The following PPP2R1A variants were observed in gnomAD, a reference collection of about 807,000 sequenced individuals.
PPP2R1A encodes serine/threonine-protein phosphatase 2A 65 kDa regulatory subunit A alpha isoform.
A neutral mutation model predicts 67.1 loss-of-function variants in PPP2R1A; 15 were observed. The ratio of observed to expected loss-of-function variants is 0.22; its 90% CI spans 0.15 to 0.34. PPP2R1A has a LOEUF of 0.34. PPP2R1A is among the 10% of genes least tolerant of loss of function. The pLI is 1.00. For missense variants in PPP2R1A, 369 were observed against 775.0 expected (o/e 0.48, Z 6.22); for synonymous variants, 337 against 325.0 (o/e 1.04, Z -0.40).
intron 1 of PPP2R1A, among the ~76,000 whole-genome samples, chr19:52,198,801 C>G (rs189560141): frequency 2.3e-3 from 352 of 152,314 alleles, no homozygotes; most frequent in African/African-American, 8.1e-3. Context: ...TCAGTGTCCT[C>G]ACTCGCCTCT....
chr19:52,223,034 AG>A (rs1979037335), intron 13 of PPP2R1A, among the ~76,000 whole-genome samples: 2 of 152,252 alleles, frequency 1.3e-5, no homozygotes, highest in Non-Finnish European at 2.9e-5. Flanking sequence ...CCAGAGACGA[AG>A]ACTTATGACA....
At chr19:52,192,478 T>G (rs1027486393) in intron 1 of PPP2R1A, among the ~76,000 whole-genome samples, 14 of 151,886 alleles carry the variant, frequency 9.2e-5, no homozygotes, top group African/African-American at 7.3e-5. Flanking sequence ...TGGCTGATTT[T>G]TGTGTGTGTG....
chr19:52,190,467 T>G (rs944756000), intron 1 of PPP2R1A, among the ~76,000 whole-genome samples: 1 of 152,154 alleles, frequency 6.6e-6, no homozygotes, highest in African/African-American at 2.4e-5. Flanking sequence ...GTCTGCGGAC[T>G]GGGTCTGGGA....
At chr19:52,190,322 G>A (rs1019110811) in intron 1 of PPP2R1A, 148 bp downstream of exon 1, 12 of 966,010 alleles carry the variant, frequency 1.2e-5, no homozygotes, top group Admixed American at 5.1e-5. Context: ...CCGGTTGCCC[G>A]GACTCCTTGA....
At chr19:52,222,854 G>A (rs1325348069) in intron 13 of PPP2R1A, among the ~76,000 whole-genome samples, 3 of 152,174 alleles carry the variant, frequency 2.0e-5, no homozygotes, top group East Asian at 3.9e-4. Context: ...TCCAGCCTGG[G>A]CGATAGAGCG....
chr19:52,211,448 C>T lies in PPP2R1A; in HGVS notation c.459C>T (p.Val153=). 2 of 1,613,928 alleles carry T rather than the reference C, an allele frequency of 1.2e-6. No individual in the cohort carries two copies. The highest frequency in any genetic ancestry group is 1.7e-6 in the Non-Finnish European group (2 of 1,180,000). Residue 153 remains valine, a synonymous_variant, in exon 4 of 15, where the codon GTC becomes GTT. Transcript: ENST00000322088. This position sits in a 1 kb window ranked among gnomAD's most constrained non-coding sequence, Gnocchi z 5.3. ...SRTSACGLFS[V]CYPRVSSAVK... is the part of the protein sequence containing the mutation. Reference sequence around the variant, plus strand: ...CCTCGGCCTGCGGCCTCTTCTCCGTCTGCTACCCCCGAGTGTCCAGTGCTG... The same window carrying T: ...CCTCGGCCTGCGGCCTCTTCTCCGTTTGCTACCCCCGAGTGTCCAGTGCTG...
intron 13 of PPP2R1A, among the ~76,000 whole-genome samples, chr19:52,223,264 T>A (rs1204264284): frequency 2.0e-5 from 3 of 152,164 alleles, no homozygotes; most frequent in Non-Finnish European, 4.4e-5. Flanking sequence ...TAATTTGAGA[T>A]GACAGACCAG....
rs1568594574 is a variant in PPP2R1A at position 52,213,463 on chromosome 19, T to TG, written c.807+353_807+354insG. Among the ~76,000 whole-genome samples, 4 of 106,576 alleles carry TG rather than the reference T, an allele frequency of 3.8e-5. No individual in the cohort carries two copies. The highest frequency in any genetic ancestry group is 1.8e-4 in the African/African-American group (4 of 22,120). 69.9% of individuals were successfully genotyped at this position (106,576 alleles called of 152,430 possible). A position where few individuals can be genotyped will look rare whatever the true frequency, so the allele number is the denominator to read the frequency against. Reference sequence around the variant, plus strand: ...AAAGGTGGGGTTTTTTGGTGTTTTTTTTTTTTTTTTTTTTTTTTTTTTTTA... The same window carrying TG: ...AAAGGTGGGGTTTTTTGGTGTTTTTTGTTTTTTTTTTTTTTTTTTTTTTTTA... On this transcript the variant is annotated intron_variant, in intron 6 of 14. Coordinates refer to ENST00000322088, the MANE Select transcript of PPP2R1A (RefSeq NM_014225.6). The surrounding 1 kb of genome is among the most constrained non-coding windows in gnomAD (Gnocchi z 4.2).
chr19:52,225,011 CTTTTTTTT>C (rs61015844), intron 13 of PPP2R1A, among the ~76,000 whole-genome samples: 1 of 101,082 alleles, frequency 9.9e-6, no homozygotes, highest in African/African-American at 4.3e-5. Flanking sequence ...TTGAGTTTAC[CTTTTTTTT>C]TTTTTTTTTT....
Position 52,211,242 on chromosome 19 carries a change from T to C in PPP2R1A, c.271-18T>C. ...GGTGGAGAGGGAGCTGTCCAGTGAC[T>C]TTGTGTTCTCACCACAGCCACCGCT... On this transcript the variant is annotated intron_variant, in intron 3 of 14. Coordinates refer to ENST00000322088, the MANE Select transcript of PPP2R1A (RefSeq NM_014225.6). This position sits in a 1 kb window ranked among gnomAD's most constrained non-coding sequence, Gnocchi z 5.3. The C allele has an allele frequency of 6.2e-7, 1 of 1,609,508 alleles. No homozygotes were observed.
chr19:52,203,462 A>G (rs1450599476), intron 2 of PPP2R1A, among the ~76,000 whole-genome samples: 1 of 152,172 alleles, frequency 6.6e-6, no homozygotes, highest in African/African-American at 2.4e-5. Flanking sequence ...CTGACTTGCT[A>G]GGAAAACCTG....
chr19:52,212,649 T>C lies in PPP2R1A; in HGVS notation c.504-37T>C. On this transcript the variant is annotated intron_variant, in intron 4 of 14. Coordinates refer to ENST00000322088, the MANE Select transcript of PPP2R1A (RefSeq NM_014225.6). This position sits in a 1 kb window ranked among gnomAD's most constrained non-coding sequence, Gnocchi z 4.1. Reference sequence around the variant, plus strand: ...CTGTGCTTGCTCCTCTCTGCCATACTGCCTGCTGCCTCAGGATCCCCGTCC... The same window carrying C: ...CTGTGCTTGCTCCTCTCTGCCATACCGCCTGCTGCCTCAGGATCCCCGTCC... The C allele has an allele frequency of 6.2e-7, 1 of 1,605,014 alleles. No individual in the cohort carries two copies. Among genetic ancestry groups the C allele is most frequent in the Non-Finnish European group, 8.5e-7 (1 of 1,179,438 alleles).
chr19:52,213,131 A>G lies in PPP2R1A; in HGVS notation c.807+21A>G. On this transcript the variant is annotated intron_variant, in intron 6 of 14. Coordinates refer to ENST00000322088, the MANE Select transcript of PPP2R1A (RefSeq NM_014225.6). The surrounding 1 kb of genome is among the most constrained non-coding windows in gnomAD (Gnocchi z 4.2). ...CAGAGGTAGATGAGCGACCGTTGAC[A>G]TTGTCCCACTGGTGGGGACACTGAC... The G allele has an allele frequency of 1.4e-5, 21 of 1,534,596 alleles. No individual in the cohort carries two copies. Among genetic ancestry groups the G allele is most frequent in the Non-Finnish European group, 1.7e-5 (20 of 1,146,392 alleles).
chr19:52,201,772 G>A (rs1487540926), intron 1 of PPP2R1A, 172 bp from the exon 2 acceptor site: 2 of 588,962 alleles, frequency 3.4e-6, no homozygotes, highest in East Asian at 2.8e-5. Flanking sequence ...GTTATTTAAT[G>A]ATTCCCTCGA....
At position 52,226,222 on chromosome 19, in the gene PPP2R1A, A is replaced by C; in HGVS notation, c.*241A>C. ...ACAGTGACCTTGGGAGGAAGGGGCT[A>C]CTCCGCCCACGTCAGGGAGAGATGT... is the stretch of plus-strand genomic sequence containing the variant. On this transcript the variant is annotated 3_prime_UTR_variant, in exon 15 of 15. Coordinates refer to ENST00000322088, the MANE Select transcript of PPP2R1A (RefSeq NM_014225.6). The C allele has an allele frequency of 1.7e-6, 1 of 587,778 alleles. No homozygotes were observed. The highest frequency in any genetic ancestry group is 2.3e-5 in the South Asian group (1 of 42,968). The allele number at this position is 587,778 out of a possible 1,614,324, so 36.4% of individuals were successfully genotyped here. A position where few individuals can be genotyped will look rare whatever the true frequency, so the allele number is the denominator to read the frequency against.
rs989806593 is a variant in PPP2R1A, at chr19:52,212,942, C to T, written c.652-13C>T. The T allele has an allele frequency of 1.9e-6, 3 of 1,582,146 alleles. No homozygotes were observed. The highest frequency in any genetic ancestry group is 2.6e-6 in the Non-Finnish European group (3 of 1,164,358). ...CCTCTGCTGCCCTCCCACTGTTCCTCTCCTCTCCCTAGGACTCGGTGCGGC... is the reference window on the plus strand; with the variant it reads ...CCTCTGCTGCCCTCCCACTGTTCCTTTCCTCTCCCTAGGACTCGGTGCGGC... On this transcript the variant is annotated splice_polypyrimidine_tract_variant and intron_variant, in intron 5 of 14. Coordinates refer to ENST00000322088, the MANE Select transcript of PPP2R1A (RefSeq NM_014225.6). This position sits in a 1 kb window ranked among gnomAD's most constrained non-coding sequence, Gnocchi z 4.1.
rs2122349561 is a variant in PPP2R1A, at chr19:52,216,097, G to A, written c.993+23G>A. The A allele has an allele frequency of 6.3e-7, 1 of 1,599,596 alleles. No homozygotes were observed. The highest frequency in any genetic ancestry group is 8.6e-7 in the Non-Finnish European group (1 of 1,166,884). On this transcript the variant is annotated intron_variant, in intron 8 of 14. Coordinates refer to ENST00000322088, the MANE Select transcript of PPP2R1A (RefSeq NM_014225.6). The surrounding 1 kb of genome is among the most constrained non-coding windows in gnomAD (Gnocchi z 4.3). ...AAGGTAACAGAGAGTTTGATGGGAG[G>A]AACCAAGTGGATCCGAGCCTGCCAA...
chr19:52,192,021 A>G lies in PPP2R1A; in HGVS notation c.78+1847A>G, dbSNP rs532964759. ...AGGAGAGACAGACAATAAACAGAGT[A>G]TACTGGGGATAAGCATTAGGGAGAC... is the stretch of plus-strand genomic sequence containing the variant. On this transcript the variant is annotated intron_variant, in intron 1 of 14. Coordinates refer to ENST00000322088, the MANE Select transcript of PPP2R1A (RefSeq NM_014225.6). Among the ~76,000 whole-genome samples the G allele has an allele frequency of 3.9e-5, 6 of 152,314 alleles. No homozygotes were observed. In the South Asian group the frequency reaches 1.2e-3, roughly 32 times the overall value.
rs2089675973 is a variant in PPP2R1A, at chr19:52,212,129, A to C, written c.504-557A>C. On this transcript the variant is annotated intron_variant, in intron 4 of 14. Transcript: ENST00000322088. The surrounding 1 kb of genome is among the most constrained non-coding windows in gnomAD (Gnocchi z 4.1). ...GAGATAGGATCTCGCTCTGTCATCCAGGCTGAAGTGCACTGGTGCAGTCAT... is the reference window on the plus strand; with the variant it reads ...GAGATAGGATCTCGCTCTGTCATCCCGGCTGAAGTGCACTGGTGCAGTCAT... Among the ~76,000 whole-genome samples, 1 of 152,240 alleles carries C rather than the reference A, an allele frequency of 6.6e-6. No individual in the cohort carries two copies. The highest frequency in any genetic ancestry group is 1.5e-5 in the Non-Finnish European group (1 of 68,038).
Sources: allele counts gnomAD v4.1 joint callset (sites outside exome capture counted in the v4.1 genomes callset), GRCh38; gene constraint gnomAD v4.1.1; non-coding constraint Gnocchi (gnomAD v3.1); transcripts MANE v1.5; gene names NCBI Gene and HGNC (gene_info 2026-07-23, HGNC 2026-07-21).